The following LOXHD1 variants were observed in gnomAD, a reference collection of about 807,000 sequenced individuals.
LOXHD1 encodes lipoxygenase homology PLAT domains 1.
A neutral mutation model predicts 248.2 loss-of-function variants in LOXHD1; 205 were observed. The ratio of observed to expected loss-of-function variants is 0.83; its 90% CI spans 0.74 to 0.93. The LOEUF (loss-of-function observed/expected upper bound fraction) is 0.93, where lower values mean the gene tolerates loss of function less well. Among genes scored for constraint, LOXHD1 ranks in the 40% least tolerant of loss-of-function variants. The pLI is 0.00. For missense variants in LOXHD1, 2,930 were observed against 2,971.6 expected (o/e 0.99, Z 0.33); for synonymous variants, 1,113 against 1,162.8 (o/e 0.96, Z 0.87).
intron 37 of LOXHD1, among the ~76,000 whole-genome samples, chr18:46,489,695 C>T (rs2033327304): frequency 1.3e-5 from 2 of 152,198 alleles, no homozygotes; most frequent in Non-Finnish European, 2.9e-5. Flanking sequence ...CCTATAGCCC[C>T]CTGCATCTGC....
rs758375382 is a variant in LOXHD1, at chr18:46,521,157, G to A, written c.5211C>T (p.Asp1737=). 29 of 1,551,586 alleles carry A rather than the reference G, an allele frequency of 1.9e-5. No homozygotes were observed. The highest frequency in any genetic ancestry group is 4.1e-5 in the African/African-American group (3 of 73,044). Residue 1737 remains aspartate, a synonymous_variant, in exon 33 of 41, where the codon GAC becomes GAT. Transcript: ENST00000642948. The part of the protein sequence containing the change: ...CNCWLAKDRG[D]GITSRVFDLL... ...GGTCGAAGACACGGGAGGTGATGCC[G>A]TCGCCTCTGTCCTTGGCCAGCCAGC...
At chr18:46,556,450 C>T (rs75105814) in intron 21 of LOXHD1, among the ~76,000 whole-genome samples, 2,047 of 152,210 alleles carry the variant, frequency 0.013, 21 homozygotes, top group Middle Eastern at 0.02. Context: ...ATTGGACTGT[C>T]ATCTCACAGG....
intron 27 of LOXHD1, among the ~76,000 whole-genome samples, 186 bp from the exon 28 acceptor site, chr18:46,533,510 C>T (rs1568149201): frequency 6.6e-6 from 1 of 152,218 alleles, no homozygotes; most frequent in Non-Finnish European, 1.5e-5. Context: ...TGCACAACCA[C>T]ATCAGAGTTT....
At chr18:46,593,883 C>T (rs2038216820) in intron 9 of LOXHD1, 123 bp from the exon 10 acceptor site, 1 of 998,864 alleles carries the variant, frequency 1.0e-6, no homozygotes, top group African/African-American at 1.6e-5. Context: ...ACAGGTGTGT[C>T]CCACTCTCAG....
At chr18:46,550,579 C>CAAA (rs754046200) in intron 21 of LOXHD1, among the ~76,000 whole-genome samples, 9 of 45,446 alleles carry the variant, frequency 2.0e-4, no homozygotes, top group African/African-American at 2.2e-4. Flanking sequence ...GACTCCGTCT[C>CAAA]AAAAAAAAAA....
intron 18 of LOXHD1, among the ~76,000 whole-genome samples, chr18:46,561,133 T>A (rs2037521860): frequency 1.3e-5 from 2 of 152,070 alleles, no homozygotes; most frequent in Admixed American, 1.3e-4. Flanking sequence ...AGCTCCCTCC[T>A]CCCCCAACCC....
chr18:46,646,667 C>T lies in LOXHD1; in HGVS notation c.245+2488G>A, dbSNP rs558905611. Among the ~76,000 whole-genome samples the T allele has an allele frequency of 2.2e-4, 34 of 152,332 alleles. No individual in the cohort carries two copies. The South Asian group carries it at 6.0e-3, about 27-fold the overall frequency. On this transcript the variant is annotated intron_variant, in intron 2 of 40. Coordinates refer to ENST00000642948, the MANE Select transcript of LOXHD1 (RefSeq NM_001384474.1). ...CCCAGCTACAGGCCTCCTCTGCCCCCATCAGCCCGCAGCGCTCATTGCTGC... is the reference window on the plus strand; with the variant it reads ...CCCAGCTACAGGCCTCCTCTGCCCCTATCAGCCCGCAGCGCTCATTGCTGC...
intron 37 of LOXHD1, among the ~76,000 whole-genome samples, chr18:46,494,955 G>A (rs1351261337): frequency 9.0e-5 from 13 of 144,712 alleles, no homozygotes; most frequent in African/African-American, 2.6e-4. Flanking sequence ...CCGGGTTCAC[G>A]CCATTCTCCT....
chr18:46,489,249 C>CT, intron 37 of LOXHD1, 107 bp from the exon 38 acceptor site: 1 of 1,223,006 alleles, frequency 8.2e-7, no homozygotes, highest in Non-Finnish European at 1.2e-6. Context: ...GACAAGTTAT[C>CT]TGTCCTCTTT....
At chr18:46,516,746 T>A (rs559740887) in intron 34 of LOXHD1, among the ~76,000 whole-genome samples, 6 of 151,740 alleles carry the variant, frequency 4.0e-5, no homozygotes, top group African/African-American at 1.5e-4. Context: ...ATCACCATCA[T>A]TATCATCATC....
At position 46,483,659 on chromosome 18, in the gene LOXHD1, C is replaced by A. The variant is rs760286647; in HGVS notation, c.6269G>T (p.Arg2090Leu). ...LCVGHLARED[R>L]FIPKRELAWH... is the part of the protein sequence containing the mutation. ...GGCAAGTTCTCTCTTGGGGATAAAC[C>A]GGTCTTCCCTGGCAAGGTGGCCCAC... The change falls in exon 40 of 41, where the codon CGG (arginine) becomes CTG (leucine). Residue 2090 changes from arginine to leucine, a missense_variant. Physicochemically the swap from Arg to Leu is moderately radical, Grantham distance 102. Transcript: ENST00000642948. 1 of 1,551,674 alleles carries A rather than the reference C, an allele frequency of 6.4e-7. No homozygotes were observed. The highest frequency in any genetic ancestry group is 2.0e-5 in the Admixed American group (1 of 50,992).
chr18:46,601,306 T>C lies in LOXHD1; in HGVS notation c.1045A>G (p.Ile349Val), dbSNP rs2038333833. 4.5e-6 allele frequency: 7 copies of C among 1,551,578 alleles called. No individual in the cohort carries two copies. Among genetic ancestry groups the C allele is most frequent in the Admixed American group, 2.0e-5 (1 of 50,978 alleles). The change falls in exon 8 of 41, where the codon ATC (isoleucine) becomes GTC (valine). Residue 349 changes from isoleucine to valine, a missense_variant. Transcript: ENST00000642948. ...FDRGRTDIFH[I>V]ELAVLLSPLS... is the part of the protein sequence containing the mutation. ...GGGCTAAGGAGGACAGCCAGCTCGA[T>C]GTGGAAGATGTCCGTGCGGCCTCGG...
Position 46,641,967 on chromosome 18 carries a change from G to A in LOXHD1, c.315C>T (p.Ile105=). ...CGCCAGCTTCTCACCTGACTTTATA[G>A]ATGAGGCCCACATTGTTGGTTCTCA... The part of the protein sequence containing the change: ...FRVRTNNVGL[I]YKVRIEHDNT... Residue 105 remains isoleucine (I), a synonymous_variant, in exon 3 of 41, where the codon ATC becomes ATT. Coordinates refer to ENST00000642948, the MANE Select transcript of LOXHD1 (RefSeq NM_001384474.1). 1 of 1,552,124 alleles carries A rather than the reference G, an allele frequency of 6.4e-7. No individual in the cohort carries two copies. Among genetic ancestry groups the A allele is most frequent in the South Asian group, 1.2e-5 (1 of 84,046 alleles).
At chr18:46,624,804 C>T (rs955285508) in intron 4 of LOXHD1, among the ~76,000 whole-genome samples, 4 of 152,136 alleles carry the variant, frequency 2.6e-5, no homozygotes, top group African/African-American at 9.7e-5. Flanking sequence ...CTTCTTTTCT[C>T]CCTTCTCCCT....
chr18:46,562,725 GTA>G (rs926660794), intron 18 of LOXHD1, among the ~76,000 whole-genome samples: 2 of 152,180 alleles, frequency 1.3e-5, no homozygotes, highest in African/African-American at 4.8e-5. Flanking sequence ...CAGCATGTTA[GTA>G]TCCCTGGAGG....
intron 37 of LOXHD1, among the ~76,000 whole-genome samples, chr18:46,495,017 CTTTT>C (rs1568091218): frequency 6.6e-6 from 1 of 151,692 alleles, no homozygotes; most frequent in African/African-American, 2.4e-5. Flanking sequence ...CTGCGCCCGG[CTTTT>C]TTTGTTTTGT....
chr18:46,592,196 G>T, intron 11 of LOXHD1, 128 bp from the exon 12 acceptor site: 3 of 1,267,306 alleles, frequency 2.4e-6, no homozygotes, highest in Non-Finnish European at 3.3e-6. Context: ...CTTATGGCAG[G>T]CAGAGGGCCG....
intron 4 of LOXHD1, among the ~76,000 whole-genome samples, chr18:46,628,372 C>T (rs1265425176): frequency 1.3e-5 from 2 of 152,188 alleles, no homozygotes; most frequent in African/African-American, 4.8e-5. Flanking sequence ...TGGCCCAGCC[C>T]TCCCTACCCT....
intron 35 of LOXHD1, among the ~76,000 whole-genome samples, chr18:46,509,010 C>G (rs1598877915): frequency 6.6e-6 from 1 of 152,184 alleles, no homozygotes; most frequent in East Asian, 1.9e-4. Flanking sequence ...TGAGAAGGAG[C>G]AGCTGCCTTC....
Sources: gnomAD v4.1 joint callset for allele counts (sites outside exome capture counted in the v4.1 genomes callset) on GRCh38, gnomAD v4.1.1 for gene constraint, MANE v1.5 for transcripts, NCBI Gene and HGNC (gene_info 2026-07-23, HGNC 2026-07-21) for gene names.